Variants in BMP2K observed in about 807,000 individuals in gnomAD.
BMP2K encodes the protein BMP2 inducible kinase, also known as BMP-2-inducible protein kinase.
In BMP2K, 74 loss-of-function variants were observed where a neutral mutation model predicts 116.0. The observed-to-expected ratio is 0.64, with a 90% CI of 0.53 to 0.77. The LOEUF (loss-of-function observed/expected upper bound fraction) is 0.77. Among genes scored for constraint, BMP2K ranks in the 30% least tolerant of loss-of-function variants. The pLI, the probability that BMP2K is intolerant of heterozygous loss-of-function variation, is 0.00. For missense variants in BMP2K, 1,365 were observed against 1,403.6 expected, an observed-to-expected ratio of 0.97 and a Z score of 0.44; for synonymous variants, 486 against 502.5, an observed-to-expected ratio of 0.97 and a Z score of 0.44.
intron 9 of BMP2K, 128 bp from the exon 10 acceptor site, chr4:78,865,429 A>G: frequency 1.2e-6 from 1 of 825,958 alleles, no homozygotes; most frequent in Non-Finnish European, 1.9e-6. Context: ...GCCTTAGGAG[A>G]AAGATGAGGA....
At chr4:78,857,256 G>A (rs1463827273) in intron 7 of BMP2K, among the ~76,000 whole-genome samples, 2 of 151,936 alleles carry the variant, frequency 1.3e-5, no homozygotes, top group Non-Finnish European at 2.9e-5. Context: ...CACATAAATG[G>A]AATCAGTACA....
chr4:78,867,762 T>C (rs550965653), intron 10 of BMP2K, among the ~76,000 whole-genome samples: 1 of 152,328 alleles, frequency 6.6e-6, no homozygotes, highest in East Asian at 1.9e-4. Flanking sequence ...TCATGTTGTA[T>C]TTAAAATAAA....
At chr4:78,864,801 C>CG (rs1731963659) in intron 9 of BMP2K, among the ~76,000 whole-genome samples, 1 of 152,068 alleles carries the variant, frequency 6.6e-6, no homozygotes, top group Non-Finnish European at 1.5e-5. Context: ...GTCCTATTAA[C>CG]AAGTATTTGA....
intron 9 of BMP2K, among the ~76,000 whole-genome samples, chr4:78,864,464 A>C (rs1731948784): frequency 6.6e-6 from 1 of 151,480 alleles, no homozygotes; most frequent in Admixed American, 6.6e-5. Flanking sequence ...TTAAATTTTC[A>C]TGTCTTTTAC....
chr4:78,859,814 G>A, intron 8 of BMP2K, 127 bp downstream of exon 8: 1 of 653,740 alleles, frequency 1.5e-6, no homozygotes, highest in Non-Finnish European at 2.6e-6. Context: ...TTCATGACAA[G>A]TGATCTGATT....
chr4:78,865,702 G>A lies in BMP2K; in HGVS notation c.1213G>A (p.Gly405Ser), dbSNP rs2288255. The change falls in exon 10 of 16, where the codon GGT (glycine) becomes AGT (serine). Residue 405 changes from glycine (G) to serine (S), a missense_variant. Physicochemically the swap from Gly to Ser is moderately conservative, Grantham distance 56 (BLOSUM62 0). Coordinates refer to ENST00000502613, the MANE Select transcript of BMP2K (RefSeq NM_198892.2). The stretch of plus-strand genomic sequence containing the variant: ...TAAAGTCCTTGCTCCTGGTGAATTC[G>A]GTAACCATAGACCAAAAGGTAATAG... The part of the protein sequence containing the change: ...PVKVLAPGEF[G>S]NHRPKGALRP... 0.049 allele frequency: 78,301 copies of A among 1,613,836 alleles called. 3,126 individuals are homozygous for A. Among genetic ancestry groups the A allele is most frequent in the East Asian group, 0.23 (10,511 of 44,854 alleles).
rs1734884225 is a variant in BMP2K at position 78,914,610 on chromosome 4, AAC to A, written c.*2581_*2582del. 1.3e-5 allele frequency: 2 copies of A among 151,950 alleles called. No homozygotes were observed. The highest frequency in any genetic ancestry group is 4.8e-5 in the African/African-American group (2 of 41,400). 9.4% of individuals were successfully genotyped at this position (151,950 alleles called of 1,614,324 possible). Reference sequence around the variant, plus strand: ...GCTCCCAAGATATGTGAAAGTGCTTAACACAGTACCTGGCACACAGCACTCAA... The same window carrying A: ...GCTCCCAAGATATGTGAAAGTGCTTAACAGTACCTGGCACACAGCACTCAA... On this transcript the variant is annotated 3_prime_UTR_variant, in exon 16 of 16. Transcript: ENST00000502613.
At chr4:78,846,820 A>G (rs1201791518) in intron 5 of BMP2K, among the ~76,000 whole-genome samples, 1 of 151,640 alleles carries the variant, frequency 6.6e-6, no homozygotes. Flanking sequence ...TTTACTTTTA[A>G]GTTAATAGAC....
In BMP2K at chr4:78,826,123, C is replaced by A. The variant is rs761455942; in HGVS notation, c.265C>A (p.Leu89Ile). 1.4e-5 allele frequency: 23 copies of A among 1,613,570 alleles called. No homozygotes were observed. In the East Asian group the frequency reaches 5.1e-4, roughly 36 times the overall value. ...KRMYVNNMPD[L>I]NVCKREITIM... The stretch of plus-strand genomic sequence containing the variant: ...AATGTATGTCAATAACATGCCAGAC[C>A]TCAATGTTTGTAAAAGGGAAATTAC... The change falls in exon 2 of 16, where the codon CTC (leucine) becomes ATC (isoleucine). Residue 89 changes from leucine (L) to isoleucine (I), a missense_variant. By Grantham distance (5) the Leu-to-Ile change is conservative. Coordinates refer to ENST00000502613, the MANE Select transcript of BMP2K (RefSeq NM_198892.2).
At position 78,870,955 on chromosome 4, in the gene BMP2K, A is replaced by G. The variant is rs553571896; in HGVS notation, c.1404A>G (p.Gln468=). The G allele has an allele frequency of 1.7e-5, 27 of 1,604,914 alleles. No individual in the cohort carries two copies. The highest frequency in any genetic ancestry group is 2.2e-5 in the South Asian group (2 of 90,852). Residue 468 remains glutamine, a synonymous_variant, in exon 11 of 16, where the codon CAA becomes CAG. Transcript: ENST00000502613. ...AGCAGCAGCAGCAGCAGCAGCAGCA[A>G]CAGCAACAGCAGCAGCAGCAACAGC... ...PHQQQQQQQQ[Q]QQQQQQQQQQ...
Position 78,870,988 on chromosome 4 carries a change from G to A in BMP2K, c.1437G>A (p.Gln479=), listed in dbSNP as rs1190785063. The A allele has an allele frequency of 3.3e-6, 5 of 1,508,336 alleles. No homozygotes were observed. The highest frequency in any genetic ancestry group is 3.6e-6 in the Non-Finnish European group (4 of 1,099,388). The allele number at this position is 1,508,336 out of a possible 1,614,324, so 93.4% of individuals were successfully genotyped here. A position where few individuals can be genotyped will look rare whatever the true frequency, so the allele number is the denominator to read the frequency against. ...AGCAGCAGCAGCAACAGCAACAGCA[G>A]CAGCAGCAGCAGCAGCAGCAGCACC... is the stretch of plus-strand genomic sequence containing the variant. The part of the protein sequence containing the change: ...QQQQQQQQQQ[Q]QQQQQQQHHH... The change falls in exon 11 of 16, where the codon CAG becomes CAA. Residue 479 remains glutamine (Q), a synonymous_variant. Coordinates refer to ENST00000502613, the MANE Select transcript of BMP2K (RefSeq NM_198892.2).
At chr4:78,841,617 T>C (rs1279512562) in intron 3 of BMP2K, among the ~76,000 whole-genome samples, 7 of 152,128 alleles carry the variant, frequency 4.6e-5, no homozygotes, top group African/African-American at 1.7e-4. Context: ...GCTCTTGAGA[T>C]AGAATTTAAA....
intron 1 of BMP2K, among the ~76,000 whole-genome samples, chr4:78,810,953 G>A (rs1163144147): frequency 6.6e-6 from 1 of 151,992 alleles, no homozygotes; most frequent in Non-Finnish European, 1.5e-5. Context: ...TTTCCATTGT[G>A]TAAGTGCTTC....
At chr4:78,784,902 T>C (rs1396797370) in intron 1 of BMP2K, among the ~76,000 whole-genome samples, 1 of 152,180 alleles carries the variant, frequency 6.6e-6, no homozygotes, top group Non-Finnish European at 1.5e-5. Context: ...TTTAGTATTC[T>C]TGGATTCTGT....
chr4:78,885,163 AT>A (rs1413101857), intron 14 of BMP2K, among the ~76,000 whole-genome samples: 1 of 152,236 alleles, frequency 6.6e-6, no homozygotes, highest in African/African-American at 2.4e-5. Flanking sequence ...AAAATGTTTA[AT>A]AGTGTTTCAA....
At chr4:78,782,377 A>G (rs890090913) in intron 1 of BMP2K, among the ~76,000 whole-genome samples, 3 of 152,224 alleles carry the variant, frequency 2.0e-5, no homozygotes, top group African/African-American at 7.2e-5. Flanking sequence ...ACTCTGTTTT[A>G]ATTGATGTTG....
chr4:78,860,375 C>T (rs1035634225), intron 8 of BMP2K, among the ~76,000 whole-genome samples: 41 of 151,862 alleles, frequency 2.7e-4, no homozygotes, highest in African/African-American at 9.6e-4. Flanking sequence ...TAAATAGACC[C>T]AGATTCAGTT....
Position 78,789,415 on chromosome 4 carries a change from C to T in BMP2K, c.178+12694C>T, listed in dbSNP as rs189411952. Among the ~76,000 whole-genome samples, 917 of 152,232 alleles carry T rather than the reference C, an allele frequency of 6.0e-3. 3 individuals carry two copies. The highest frequency in any genetic ancestry group is 9.0e-3 in the Non-Finnish European group (615 of 68,022). ...GGCTCCTATGCTGTATAGGCATTGGCCTGTAGCTATAGTCATAGCTCCTGT... is the reference window on the plus strand; with the variant it reads ...GGCTCCTATGCTGTATAGGCATTGGTCTGTAGCTATAGTCATAGCTCCTGT... On this transcript the variant is annotated intron_variant, in intron 1 of 15. Transcript: ENST00000502613.
intron 1 of BMP2K, among the ~76,000 whole-genome samples, chr4:78,790,015 G>A (rs1727921450): frequency 6.6e-6 from 1 of 152,226 alleles, no homozygotes. Context: ...AAGAAAACAC[G>A]ATTCTTCTAA....
Sources: gnomAD v4.1 joint callset for allele counts (sites outside exome capture counted in the v4.1 genomes callset) on GRCh38, gnomAD v4.1.1 for gene constraint, MANE v1.5 for transcripts, NCBI Gene and HGNC (gene_info 2026-07-23, HGNC 2026-07-21) for gene names.